The following LGR4 variants were observed in gnomAD, a reference collection of about 807,000 sequenced individuals.
LGR4 encodes the protein leucine rich repeat containing G protein-coupled receptor 4, also known as leucine-rich repeat-containing G protein-coupled receptor 4.
A neutral mutation model predicts 84.8 loss-of-function variants in LGR4; 44 were observed. The observed-to-expected ratio is 0.52, with a 90% CI of 0.41 to 0.67. The LOEUF (loss-of-function observed/expected upper bound fraction) is 0.67, where lower values mean the gene tolerates loss of function less well. Among genes scored for constraint, LGR4 ranks in the 30% least tolerant of loss-of-function variants. The probability of loss-of-function intolerance (pLI) is 0.00; values close to 1 mark genes in which losing one functional copy is unlikely to be tolerated. For synonymous variants in LGR4, 429 were observed against 434.3 expected (o/e 0.99, Z 0.15); for missense variants, 1,032 against 1,131.4 (o/e 0.91, Z 1.26).
At chr11:27,383,299 CT>C (rs1863132147) in intron 6 of LGR4, among the ~76,000 whole-genome samples, 1 of 152,116 alleles carries the variant, frequency 6.6e-6, no homozygotes, top group Admixed American at 6.5e-5. Context: ...TTTTGGTTTC[CT>C]TTTCCTTTTT....
chr11:27,400,766 G>C (rs1863485028), intron 2 of LGR4, among the ~76,000 whole-genome samples: 1 of 151,990 alleles, frequency 6.6e-6, no homozygotes, highest in Non-Finnish European at 1.5e-5. Context: ...CAAAGTGCTG[G>C]GATTACAGGT....
At position 27,392,503 on chromosome 11, in the gene LGR4, G is replaced by A. The variant is rs370663209; in HGVS notation, c.273C>T (p.Asn91=). The A allele has an allele frequency of 3.8e-6, 6 of 1,580,238 alleles. No homozygotes were observed. The highest frequency in any genetic ancestry group is 2.8e-5 in the African/African-American group (2 of 71,856). Reference sequence around the variant, plus strand: ...CCTTTGGGTGGATAAAAGAAAGGTCGTTGCCCGCCAATTGTCTAGAGAAAA... The same window carrying A: ...CCTTTGGGTGGATAAAAGAAAGGTCATTGCCCGCCAATTGTCTAGAGAAAA... The part of the protein sequence containing the change: ...PFLEELQLAG[N]DLSFIHPKAL... Residue 91 remains asparagine, a synonymous_variant, in exon 3 of 18, where the codon AAC becomes AAT. Coordinates refer to ENST00000379214, the MANE Select transcript of LGR4 (RefSeq NM_018490.5).
At chr11:27,430,744 T>A (rs1864101491) in intron 1 of LGR4, among the ~76,000 whole-genome samples, 1 of 152,140 alleles carries the variant, frequency 6.6e-6, no homozygotes. Context: ...GAATTTGACC[T>A]ACACATGGCA....
chr11:27,393,152 T>C (rs1456970104), intron 2 of LGR4, among the ~76,000 whole-genome samples: 1 of 152,178 alleles, frequency 6.6e-6, no homozygotes, highest in Non-Finnish European at 1.5e-5. Context: ...TTGGATCCTT[T>C]TGTAAGAAAT....
intron 1 of LGR4, among the ~76,000 whole-genome samples, chr11:27,430,674 C>T (rs1864100248): frequency 6.6e-6 from 1 of 152,148 alleles, no homozygotes; most frequent in Non-Finnish European, 1.5e-5. Context: ...ATCACCATCT[C>T]TCCCGGGACC....
At chr11:27,379,863 A>T (rs927247977) in intron 10 of LGR4, among the ~76,000 whole-genome samples, 3 of 150,578 alleles carry the variant, frequency 2.0e-5, no homozygotes, top group African/African-American at 7.3e-5. Context: ...GCTATCTCTG[A>T]GAATACTTTT....
Position 27,376,330 on chromosome 11 carries a change from T to C in LGR4, c.1150A>G (p.Thr384Ala), listed in dbSNP as rs1778269022. 2 of 1,582,590 alleles carry C rather than the reference T, an allele frequency of 1.3e-6. No homozygotes were observed. Among genetic ancestry groups the C allele is most frequent in the Non-Finnish European group, 1.7e-6 (2 of 1,156,892 alleles). Residue 384 changes from threonine (T) to alanine (A), a missense_variant, in exon 13 of 18, where the codon ACC (threonine) becomes GCC (alanine). Physicochemically the swap from Thr to Ala is moderately conservative, Grantham distance 58 (BLOSUM62 0). Transcript: ENST00000379214. ...RNQIYQIKEGTFQGLISLRIL... is the reference protein window; with the variant it reads ...RNQIYQIKEGAFQGLISLRIL... ...CTTAGAGATATCAGGCCTTGAAAGGTGCCTTCCTTTATTTGGTAGATTTGA... is the reference window on the plus strand; with the variant it reads ...CTTAGAGATATCAGGCCTTGAAAGGCGCCTTCCTTTATTTGGTAGATTTGA...
intron 11 of LGR4, among the ~76,000 whole-genome samples, chr11:27,377,899 T>A (rs1863017374): frequency 6.6e-6 from 1 of 152,186 alleles, no homozygotes; most frequent in African/African-American, 2.4e-5. Context: ...TATAATACCA[T>A]ATTTCTGCTC....
intron 1 of LGR4, among the ~76,000 whole-genome samples, chr11:27,416,328 A>T (rs1448588050): frequency 6.6e-6 from 1 of 152,182 alleles, no homozygotes; most frequent in African/African-American, 2.4e-5. Flanking sequence ...TGGCAAATTG[A>T]TATTTTCTCT....
intron 1 of LGR4, among the ~76,000 whole-genome samples, chr11:27,429,213 G>T (rs971154878): frequency 6.6e-6 from 1 of 152,138 alleles, no homozygotes; most frequent in Non-Finnish European, 1.5e-5. Flanking sequence ...GGCCAGGCAC[G>T]GTGGTTCACG....
intron 1 of LGR4, among the ~76,000 whole-genome samples, chr11:27,451,884 A>T (rs1341440251): frequency 2.0e-5 from 3 of 152,218 alleles, no homozygotes; most frequent in Admixed American, 6.5e-5. Context: ...CAAAAATATG[A>T]TTCAAACCAT....
intron 1 of LGR4, among the ~76,000 whole-genome samples, chr11:27,453,383 A>T (rs919193486): frequency 6.6e-6 from 1 of 152,150 alleles, no homozygotes; most frequent in Non-Finnish European, 1.5e-5. Flanking sequence ...AACTTTTTAA[A>T]TTTTGTTTTG....
At chr11:27,448,207 C>T (rs1048008218) in intron 1 of LGR4, among the ~76,000 whole-genome samples, 2 of 151,960 alleles carry the variant, frequency 1.3e-5, no homozygotes, top group Non-Finnish European at 2.9e-5. Flanking sequence ...TCTAGTAAGA[C>T]CTAGTTTAAT....
At chr11:27,422,921 G>A (rs1863948014) in intron 1 of LGR4, among the ~76,000 whole-genome samples, 1 of 152,024 alleles carries the variant, frequency 6.6e-6, no homozygotes, top group Admixed American at 6.6e-5. Flanking sequence ...TATAGAACTG[G>A]TGATAAACTG....
chr11:27,380,818 T>C, intron 8 of LGR4, 77 bp downstream of exon 8: 1 of 1,178,886 alleles, frequency 8.5e-7, no homozygotes. Flanking sequence ...CTTCTCATTC[T>C]TTATCAGGGT....
intron 1 of LGR4, among the ~76,000 whole-genome samples, chr11:27,453,299 CCTCA>C (rs1441969098): frequency 9.9e-5 from 15 of 152,116 alleles, no homozygotes; most frequent in African/African-American, 3.4e-4. Flanking sequence ...GAACTCCCAA[CCTCA>C]TGATGTGCCC....
chr11:27,441,292 C>G (rs1179953850), intron 1 of LGR4, among the ~76,000 whole-genome samples: 5 of 152,174 alleles, frequency 3.3e-5, no homozygotes, highest in Non-Finnish European at 7.3e-5. Context: ...GTTCCATTCT[C>G]ATTCTCCATT....
At chr11:27,435,193 C>T (rs1864186895) in intron 1 of LGR4, among the ~76,000 whole-genome samples, 1 of 151,860 alleles carries the variant, frequency 6.6e-6, no homozygotes, top group Admixed American at 6.6e-5. Context: ...ATTAGCTGGG[C>T]ATGGTGACGC....
intron 2 of LGR4, among the ~76,000 whole-genome samples, chr11:27,396,536 ATTTTTTTTATTT>A: frequency 6.6e-6 from 1 of 151,746 alleles, no homozygotes; most frequent in South Asian, 2.1e-4. Flanking sequence ...TTTTATTATT[ATTTTTTTTATTT>A]TTTTAGGCAA....
Sources: allele counts gnomAD v4.1 joint callset (sites outside exome capture counted in the v4.1 genomes callset), GRCh38; gene constraint gnomAD v4.1.1; transcripts MANE v1.5; gene names NCBI Gene and HGNC (gene_info 2026-07-23, HGNC 2026-07-21).